SOCS4: variants seen among roughly 807,000 people sequenced by gnomAD.
SOCS4 encodes suppressor of cytokine signaling 4.
In SOCS4, 20 loss-of-function variants were observed where a neutral mutation model predicts 34.1. The ratio of observed to expected loss-of-function variants is 0.59; its 90% CI spans 0.41 to 0.85. SOCS4 has a LOEUF of 0.85. Ranked by LOEUF, SOCS4 falls within the 40% of genes least tolerant of loss-of-function variation. The probability of loss-of-function intolerance (pLI) is 0.00; values close to 1 mark genes in which losing one functional copy is unlikely to be tolerated. For synonymous variants in SOCS4, 180 were observed against 186.4 expected (o/e 0.97, Z 0.28); for missense variants, 479 against 532.4 (o/e 0.90, Z 0.99).
rs1383342131 is a variant in SOCS4 at position 55,044,112 on chromosome 14, T to G, written c.1071T>G (p.Ile357Met). 1 of 1,614,192 alleles carries G rather than the reference T, an allele frequency of 6.2e-7. No individual in the cohort carries two copies. Among genetic ancestry groups the G allele is most frequent in the East Asian group, 2.2e-5 (1 of 44,884 alleles). ...CCTGTGTCTTCCATTCTCCTGACAT[T>G]ACTGGGCTCCTAGAACATTATAAGG... ...HDPCVFHSPDITGLLEHYKDP... is the reference protein window; with the variant it reads ...HDPCVFHSPDMTGLLEHYKDP... The change falls in exon 3 of 3, where the codon ATT becomes ATG. Residue 357 changes from isoleucine to methionine, a missense_variant. Ile to Met is a conservative substitution (Grantham distance 10). Transcript: ENST00000555846.
intron 2 of SOCS4, among the ~76,000 whole-genome samples, chr14:55,042,347 G>C (rs551338968): frequency 6.6e-6 from 1 of 152,152 alleles, no homozygotes; most frequent in East Asian, 1.9e-4. Flanking sequence ...TGGTAAAGTT[G>C]ACTAATTATT....
rs774130338 is a variant in SOCS4, at chr14:55,043,914, G to T, written c.873G>T (p.Met291Ile). 1.4e-5 allele frequency: 22 copies of T among 1,613,980 alleles called. No individual in the cohort carries two copies. The highest frequency in any genetic ancestry group is 1.9e-5 in the Non-Finnish European group (22 of 1,180,036). ...INNNPCYWGV[M>I]DKYAAEALLE... ...ACAACCCATGTTACTGGGGAGTGAT[G>T]GATAAATACGCAGCCGAAGCACTAC... Residue 291 changes from methionine to isoleucine, a missense_variant, in exon 3 of 3, where the codon ATG becomes ATT. Transcript: ENST00000555846.
intron 2 of SOCS4, among the ~76,000 whole-genome samples, chr14:55,041,917 G>A (rs1365867827): frequency 6.8e-6 from 1 of 146,638 alleles, no homozygotes; most frequent in Admixed American, 7.0e-5. Context: ...TCAGCCTCCC[G>A]AGTAGCTGGG....
At chr14:55,039,299 A>G (rs553026772) in intron 2 of SOCS4, among the ~76,000 whole-genome samples, 94 of 152,196 alleles carry the variant, frequency 6.2e-4, no homozygotes, top group African/African-American at 2.2e-3. Context: ...TTAGTCTGGC[A>G]TGGTGGCACG....
chr14:55,041,716 AC>A (rs1302368869), intron 2 of SOCS4, among the ~76,000 whole-genome samples: 3 of 123,326 alleles, frequency 2.4e-5, no homozygotes, highest in Non-Finnish European at 3.3e-5. Flanking sequence ...CTCATGATCC[AC>A]CCGCCTCAGC....
chr14:55,030,723 A>G (rs1223948752), intron 1 of SOCS4, among the ~76,000 whole-genome samples: 2 of 152,166 alleles, frequency 1.3e-5, no homozygotes, highest in East Asian at 3.8e-4. Context: ...TTACAGTGGG[A>G]GAACTTAAGC....
rs903868986 is a variant in SOCS4, at chr14:55,046,227, C to T, written c.*1863C>T. Reference sequence around the variant, plus strand: ...TCATACTACCTCATCTTTATTGTGGCGCTTTTGTAGATCACTGAGAAGCTT... The same window carrying T: ...TCATACTACCTCATCTTTATTGTGGTGCTTTTGTAGATCACTGAGAAGCTT... On this transcript the variant is annotated 3_prime_UTR_variant, in exon 3 of 3. Transcript: ENST00000555846. 1 of 166,762 alleles carries T rather than the reference C, an allele frequency of 6.0e-6. No homozygotes were observed. The highest frequency in any genetic ancestry group is 2.4e-5 in the African/African-American group (1 of 41,396). 10.3% of individuals were successfully genotyped at this position (166,762 alleles called of 1,614,324 possible).
chr14:55,032,905 C>A (rs2042541376), intron 2 of SOCS4, among the ~76,000 whole-genome samples: 1 of 152,112 alleles, frequency 6.6e-6, no homozygotes, highest in Admixed American at 6.5e-5. Flanking sequence ...GCCTCAGCCT[C>A]CCGAGTAGCT....
intron 2 of SOCS4, among the ~76,000 whole-genome samples, chr14:55,038,933 G>T (rs1004801854): frequency 1.2e-4 from 19 of 152,228 alleles, no homozygotes; most frequent in Admixed American, 9.2e-4. Flanking sequence ...TTTGTTTTCT[G>T]TACTTCTATT....
At chr14:55,036,666 T>C (rs562005188) in intron 2 of SOCS4, among the ~76,000 whole-genome samples, 5 of 152,118 alleles carry the variant, frequency 3.3e-5, no homozygotes, top group Admixed American at 6.6e-5. Context: ...TTTTCTAATA[T>C]AGTTTCTTTA....
At chr14:55,042,909 G>A (rs1188244380) in intron 2 of SOCS4, 43 bp from the exon 3 acceptor site, 1 of 744,142 alleles carries the variant, frequency 1.3e-6, no homozygotes. Context: ...AACTAGACAA[G>A]GTAGATGACA....
At chr14:55,030,502 GT>G (rs1308835625) in intron 1 of SOCS4, among the ~76,000 whole-genome samples, 1 of 152,008 alleles carries the variant, frequency 6.6e-6, no homozygotes, top group Non-Finnish European at 1.5e-5. Flanking sequence ...TATAGCCTTT[GT>G]TTCCCCTCCC....
chr14:55,046,016 G>A lies in SOCS4; in HGVS notation c.*1652G>A, dbSNP rs1239260913. ...AAAATTAAGGAAAATCTCTATTACC[G>A]TTATCTTTTAGCATTTTTTTTTTCC... On this transcript the variant is annotated 3_prime_UTR_variant, in exon 3 of 3. Coordinates refer to ENST00000555846, the MANE Select transcript of SOCS4 (RefSeq NM_199421.2). The A allele has an allele frequency of 4.2e-5, 7 of 165,942 alleles. No homozygotes were observed. The highest frequency in any genetic ancestry group is 2.4e-5 in the African/African-American group (1 of 41,216). The allele number at this position is 165,942 out of a possible 1,614,324, so 10.3% of individuals were successfully genotyped here.
In SOCS4 at chr14:55,043,097, G is replaced by A. The variant is rs757305825; in HGVS notation, c.56G>A (p.Ser19Asn). 6.2e-7 allele frequency: 1 copy of A among 1,614,116 alleles called. No individual in the cohort carries two copies. The highest frequency in any genetic ancestry group is 1.1e-5 in the South Asian group (1 of 91,090). ...AATGTAGATGTAAGGCCCAAAACTA[G>A]TCGGAGCAGAAGTGCCGACAGAAAA... ...SKNVDVRPKT[S>N]RSRSADRKDG... The change falls in exon 3 of 3, where the codon AGT becomes AAT. Residue 19 changes from serine to asparagine, a missense_variant. Physicochemically the swap from Ser to Asn is conservative, Grantham distance 46. Transcript: ENST00000555846.
chr14:55,041,295 A>C (rs549000702), intron 2 of SOCS4, among the ~76,000 whole-genome samples: 1 of 152,346 alleles, frequency 6.6e-6, no homozygotes, highest in East Asian at 1.9e-4. Context: ...CACTACTTTG[A>C]AAATGGATTC....
intron 2 of SOCS4, among the ~76,000 whole-genome samples, chr14:55,035,073 C>G (rs1566753855): frequency 6.6e-6 from 1 of 152,142 alleles, no homozygotes; most frequent in Admixed American, 6.5e-5. Context: ...GTTGGCGAGG[C>G]TGGTCTCAAA....
chr14:55,045,181 T>C lies in SOCS4; in HGVS notation c.*817T>C, dbSNP rs991904215. On this transcript the variant is annotated 3_prime_UTR_variant, in exon 3 of 3. Transcript: ENST00000555846. ...TTCTCATTGGAAGCTTTGAAAATAA[T>C]GATAACACTATTAGTAGCTAGTAGT... 4.9e-5 allele frequency: 8 copies of C among 163,216 alleles called. No homozygotes were observed. In the East Asian group the frequency reaches 1.3e-3, roughly 28 times the overall value. 10.1% of individuals were successfully genotyped at this position (163,216 alleles called of 1,614,324 possible). A position where few individuals can be genotyped will look rare whatever the true frequency, so the allele number is the denominator to read the frequency against.
chr14:55,041,783 CTTTTTTTTTTTTTT>C (rs35998700), intron 2 of SOCS4, among the ~76,000 whole-genome samples: 1 of 40,052 alleles, frequency 2.5e-5, no homozygotes. Context: ...AACCCTTAAT[CTTTTTTTTTTTTTT>C]TTTTTTTTTT....
chr14:55,045,643 A>G lies in SOCS4; in HGVS notation c.*1279A>G, dbSNP rs1171327410. On this transcript the variant is annotated 3_prime_UTR_variant, in exon 3 of 3. Coordinates refer to ENST00000555846, the MANE Select transcript of SOCS4 (RefSeq NM_199421.2). ...ACGTTTTTAGAAACATCTTTAGCCC[A>G]AAGTAACTAGTAAAAATAAATGGAG... 1.2e-5 allele frequency: 2 copies of G among 167,050 alleles called. No homozygotes were observed. The highest frequency in any genetic ancestry group is 3.4e-3 in the Middle Eastern group (1 of 296). 10.3% of individuals were successfully genotyped at this position (167,050 alleles called of 1,614,324 possible). A position where few individuals can be genotyped will look rare whatever the true frequency, so the allele number is the denominator to read the frequency against.
Sources: allele counts gnomAD v4.1 joint callset (sites outside exome capture counted in the v4.1 genomes callset), GRCh38; gene constraint gnomAD v4.1.1; transcripts MANE v1.5; gene names NCBI Gene and HGNC (gene_info 2026-07-23, HGNC 2026-07-21).